RNF220: variants seen among roughly 807,000 people sequenced by gnomAD.
RNF220 encodes E3 ubiquitin-protein ligase RNF220.
In RNF220, 7 loss-of-function variants were observed where a neutral mutation model predicts 67.1. The observed-to-expected ratio is 0.10, with a 90% CI of 0.06 to 0.20. The LOEUF (loss-of-function observed/expected upper bound fraction) is 0.20. Ranked by LOEUF, RNF220 falls within the 10% of genes least tolerant of loss-of-function variation. The pLI is 1.00. For missense variants in RNF220, 565 were observed against 740.3 expected (o/e 0.76, Z 2.75); for synonymous variants, 270 against 283.2 (o/e 0.95, Z 0.47).
chr1:44,441,154 G>A (rs942358147), intron 2 of RNF220, among the ~76,000 whole-genome samples: 14 of 152,210 alleles, frequency 9.2e-5, no homozygotes, highest in Non-Finnish European at 2.1e-4. Flanking sequence ...GGAAATCCTT[G>A]CCCTAGTGCA....
chr1:44,575,669 G>A (rs1050239089), intron 2 of RNF220, among the ~76,000 whole-genome samples: 13 of 152,166 alleles, frequency 8.5e-5, no homozygotes, highest in African/African-American at 2.7e-4. Context: ...GCAAGAATGC[G>A]AAGAAAAGGG....
At chr1:44,578,735 A>G (rs1665011725) in intron 2 of RNF220, among the ~76,000 whole-genome samples, 1 of 152,210 alleles carries the variant, frequency 6.6e-6, no homozygotes, top group South Asian at 2.1e-4. Flanking sequence ...TAGTTTGCCA[A>G]GAATGACACC....
At chr1:44,420,610 G>A (rs531709855) in intron 2 of RNF220, among the ~76,000 whole-genome samples, 52 of 152,288 alleles carry the variant, frequency 3.4e-4, no homozygotes, top group East Asian at 2.7e-3. Context: ...GCCTCAACTC[G>A]AAGGTGTTTC....
intron 2 of RNF220, among the ~76,000 whole-genome samples, chr1:44,421,657 G>A (rs1261618176): frequency 6.6e-6 from 1 of 151,990 alleles, no homozygotes; most frequent in East Asian, 1.9e-4. Context: ...GCGGGGCATA[G>A]TGTCTGTGTG....
At chr1:44,482,297 C>T (rs1426074933) in intron 2 of RNF220, among the ~76,000 whole-genome samples, 1 of 152,058 alleles carries the variant, frequency 6.6e-6, no homozygotes, top group Non-Finnish European at 1.5e-5. Context: ...GCCTGCAGAC[C>T]AGACCTGGTC....
intron 2 of RNF220, among the ~76,000 whole-genome samples, chr1:44,509,605 A>G (rs975508799): frequency 1.3e-5 from 2 of 151,292 alleles, no homozygotes; most frequent in African/African-American, 4.9e-5. Context: ...AAATACGCAT[A>G]GGCTGGGTGC....
intron 2 of RNF220, among the ~76,000 whole-genome samples, chr1:44,573,464 G>A (rs574501133): frequency 3.3e-4 from 51 of 152,334 alleles, no homozygotes; most frequent in African/African-American, 1.2e-3. Flanking sequence ...AGAATCTACA[G>A]AAGGAAACCT....
chr1:44,607,572 C>T (rs1036406200), intron 2 of RNF220, among the ~76,000 whole-genome samples: 12 of 151,798 alleles, frequency 7.9e-5, no homozygotes, highest in South Asian at 2.1e-4. Context: ...CTGCAAGCTC[C>T]GCCTCCTGGG....
At chr1:44,535,745 T>C (rs1661171843) in intron 2 of RNF220, among the ~76,000 whole-genome samples, 1 of 152,188 alleles carries the variant, frequency 6.6e-6, no homozygotes, top group Non-Finnish European at 1.5e-5. Flanking sequence ...CTGAAGCTGA[T>C]GTCTACTTAG....
chr1:44,534,156 T>C (rs1012529942), intron 2 of RNF220, among the ~76,000 whole-genome samples: 1 of 152,124 alleles, frequency 6.6e-6, no homozygotes, highest in Non-Finnish European at 1.5e-5. Context: ...GTTTACTTTT[T>C]GTGCATGGAG....
At position 44,412,730 on chromosome 1, in the gene RNF220, C is replaced by T; in HGVS notation, c.625+8C>T. 1.2e-6 allele frequency: 2 copies of T among 1,610,600 alleles called. No homozygotes were observed. Among genetic ancestry groups the T allele is most frequent in the Non-Finnish European group, 1.7e-6 (2 of 1,177,728 alleles). On this transcript the variant is annotated splice_region_variant and intron_variant, in intron 2 of 14. Coordinates refer to ENST00000361799, the MANE Select transcript of RNF220 (RefSeq NM_018150.4). This position sits in a 1 kb window ranked among gnomAD's most constrained non-coding sequence, Gnocchi z 5.3. Reference sequence around the variant, plus strand: ...AGGATCGGAATGACAGATGTAAGTACTTTGGTTCCAGCCCTCCCTTACCCC... The same window carrying T: ...AGGATCGGAATGACAGATGTAAGTATTTTGGTTCCAGCCCTCCCTTACCCC...
intron 2 of RNF220, among the ~76,000 whole-genome samples, chr1:44,518,885 A>C (rs564171626): frequency 2.6e-3 from 382 of 147,180 alleles, no homozygotes; most frequent in African/African-American, 8.6e-3. Flanking sequence ...AAAAACAAAA[A>C]AAACAAAAAA....
At chr1:44,549,163 G>A (rs1390563409) in intron 2 of RNF220, among the ~76,000 whole-genome samples, 1 of 152,148 alleles carries the variant, frequency 6.6e-6, no homozygotes, top group Non-Finnish European at 1.5e-5. Context: ...CTCCAGCCTG[G>A]GCAACAGAGT....
At chr1:44,585,738 G>A (rs1313120115) in intron 2 of RNF220, among the ~76,000 whole-genome samples, 1 of 152,180 alleles carries the variant, frequency 6.6e-6, no homozygotes, top group African/African-American at 2.4e-5. Context: ...GCTCTGCTGT[G>A]TGACCTTGGG....
intron 2 of RNF220, among the ~76,000 whole-genome samples, chr1:44,439,908 A>G: frequency 6.6e-6 from 1 of 152,206 alleles, no homozygotes; most frequent in East Asian, 1.9e-4. Context: ...TGAGTGAGAT[A>G]AGAGAAGTGT....
chr1:44,503,211 G>A (rs1658089268), intron 2 of RNF220, among the ~76,000 whole-genome samples: 1 of 151,546 alleles, frequency 6.6e-6, no homozygotes, highest in Non-Finnish European at 1.5e-5. Flanking sequence ...GCACATGCCT[G>A]TAATCCCAGC....
intron 2 of RNF220, among the ~76,000 whole-genome samples, chr1:44,577,927 T>C (rs536162468): frequency 2.4e-4 from 37 of 151,770 alleles, no homozygotes; most frequent in African/African-American, 8.2e-4. Flanking sequence ...GCCTTGACCT[T>C]CTGGGCTCAA....
intron 2 of RNF220, among the ~76,000 whole-genome samples, chr1:44,456,279 A>G (rs1653168350): frequency 6.6e-6 from 1 of 152,216 alleles, no homozygotes; most frequent in Non-Finnish European, 1.5e-5. Context: ...TGCATGTTGT[A>G]GAAGAAGGAA....
chr1:44,416,999 G>A lies in RNF220; in HGVS notation c.625+4277G>A, dbSNP rs182107388. ...GCAGCCTGGAATGGGGAGGGCTGGGGTGAGGGGGGATACTTTCCAAGGGCT... is the reference window on the plus strand; with the variant it reads ...GCAGCCTGGAATGGGGAGGGCTGGGATGAGGGGGGATACTTTCCAAGGGCT... On this transcript the variant is annotated intron_variant, in intron 2 of 14. Transcript: ENST00000361799. Among the ~76,000 whole-genome samples the A allele has an allele frequency of 5.4e-4, 82 of 152,284 alleles. No homozygotes were observed. The East Asian group carries it at 0.015, about 28-fold the overall frequency.
Sources: gnomAD v4.1 joint callset for allele counts (sites outside exome capture counted in the v4.1 genomes callset) on GRCh38, gnomAD v4.1.1 for gene constraint, Gnocchi (gnomAD v3.1) non-coding constraint, MANE v1.5 for transcripts, NCBI Gene and HGNC (gene_info 2026-07-23, HGNC 2026-07-21) for gene names.